MYT1: variants seen among roughly 807,000 people sequenced by gnomAD.
The protein encoded by MYT1 is myelin transcription factor 1, also known as myelin transcription factor I.
A neutral mutation model predicts 123.0 loss-of-function variants in MYT1; 23 were observed. That is an observed-to-expected ratio of 0.19 (90% CI 0.13 to 0.26). MYT1 has a LOEUF of 0.26. Ranked by LOEUF, MYT1 falls within the 10% of genes least tolerant of loss-of-function variation. The pLI, the probability that MYT1 is intolerant of heterozygous loss-of-function variation, is 1.00. For synonymous variants in MYT1, 518 were observed against 575.3 expected, an observed-to-expected ratio of 0.90 and a Z score of 1.43; for missense variants, 1,125 against 1,472.5, an observed-to-expected ratio of 0.76 and a Z score of 3.86.
At chr20:64,230,019 A>C (rs1055142477) in intron 18 of MYT1, among the ~76,000 whole-genome samples, 1 of 152,146 alleles carries the variant, frequency 6.6e-6, no homozygotes, top group Non-Finnish European at 1.5e-5. Context: ...CAGAGGCCTC[A>C]CCAGCTCAGT....
intron 14 of MYT1, among the ~76,000 whole-genome samples, chr20:64,222,251 A>G (rs1172132220): frequency 6.6e-6 from 1 of 152,206 alleles, no homozygotes; most frequent in Admixed American, 6.5e-5. Flanking sequence ...GCTTTACTGC[A>G]ATCTTCTAAA....
intron 1 of MYT1, among the ~76,000 whole-genome samples, chr20:64,172,532 AG>A: frequency 6.6e-6 from 1 of 152,218 alleles, no homozygotes; most frequent in East Asian, 1.9e-4. Context: ...GTTTTAAGGC[AG>A]AAGGAGATGG....
At chr20:64,176,713 G>A (rs933342289) in intron 1 of MYT1, among the ~76,000 whole-genome samples, 1 of 152,226 alleles carries the variant, frequency 6.6e-6, no homozygotes, top group Non-Finnish European at 1.5e-5. Flanking sequence ...TGGGTTCCGG[G>A]CACCCGGCCT....
At chr20:64,179,612 TGACCAGTGGAAGCCCA>T (rs1466521641) in intron 1 of MYT1, among the ~76,000 whole-genome samples, 2 of 152,164 alleles carry the variant, frequency 1.3e-5, no homozygotes, top group Non-Finnish European at 2.9e-5. Context: ...TGTCCCTGAT[TGACCAGTGGAAGCCCA>T]GTACAGAGGC....
intron 1 of MYT1, among the ~76,000 whole-genome samples, chr20:64,178,306 GCCGCTCTCCCA>G (rs547625739): frequency 1.6e-3 from 241 of 152,352 alleles, no homozygotes; most frequent in African/African-American, 5.7e-3. Context: ...CAGCAGAGAG[GCCGCTCTCCCA>G]CTGCTCCACC....
At chr20:64,170,761 C>T (rs911187200) in intron 1 of MYT1, among the ~76,000 whole-genome samples, 4 of 147,742 alleles carry the variant, frequency 2.7e-5, no homozygotes, top group Non-Finnish European at 3.0e-5. Context: ...CTCGGTGAGC[C>T]GTGACCCAGC....
At position 64,170,931 on chromosome 20, in the gene MYT1, A is replaced by AGT. The variant is rs1555952876; in HGVS notation, c.-99+6193_-99+6194insTG. Among the ~76,000 whole-genome samples the AGT allele has an allele frequency of 2.6e-3, 322 of 126,144 alleles. 4 individuals are homozygous for AGT. Among genetic ancestry groups the AGT allele is most frequent in the African/African-American group, 7.0e-3 (219 of 31,168 alleles). 82.8% of individuals were successfully genotyped at this position (126,144 alleles called of 152,430 possible). A position where few individuals can be genotyped will look rare whatever the true frequency, so the allele number is the denominator to read the frequency against. ...GAGAGAGAGAGAGAGAGAGAGAGAG[A>AGT]GAGACGGAGTCTTGCTCTGTTGGCC... On this transcript the variant is annotated intron_variant, in intron 1 of 22. Transcript: ENST00000328439.
intron 1 of MYT1, among the ~76,000 whole-genome samples, chr20:64,187,867 A>G (rs553714853): frequency 1.7e-4 from 26 of 152,318 alleles, no homozygotes; most frequent in Middle Eastern, 3.4e-3. Flanking sequence ...CTCTGTACCC[A>G]GGGGTATGGT....
intron 19 of MYT1, among the ~76,000 whole-genome samples, chr20:64,233,580 GGAGA>G (rs1276095590): frequency 1.4e-5 from 2 of 146,464 alleles, no homozygotes; most frequent in Non-Finnish European, 3.0e-5. Flanking sequence ...ACCAAGCCTT[GGAGA>G]GAGAGCAGAG....
At chr20:64,235,799 CTGGG>C (rs1984511734) in intron 19 of MYT1, among the ~76,000 whole-genome samples, 1 of 71,702 alleles carries the variant, frequency 1.4e-5, no homozygotes, top group South Asian at 4.4e-4. Flanking sequence ...GTGGGTGACA[CTGGG>C]CTGGCTGTGG....
intron 16 of MYT1, among the ~76,000 whole-genome samples, chr20:64,226,244 C>A (rs75692938): frequency 6.6e-6 from 1 of 152,198 alleles, no homozygotes; most frequent in South Asian, 2.1e-4. Flanking sequence ...CAGGAGGGCA[C>A]CCCAAAAAAA....
chr20:64,232,367 G>A lies in MYT1; in HGVS notation c.2879G>A (p.Ser960Asn). ...GACGGCTCTGGCCACGCCAATGGGA[G>A]TTTCCTCACCCACCGGAGGTAACTG... ...GCDGSGHANG[S>N]FLTHRSLSGC... is the part of the protein sequence containing the mutation. Residue 960 changes from serine to asparagine, a missense_variant, in exon 19 of 23, where the codon AGT becomes AAT. Physicochemically the swap from Ser to Asn is conservative, Grantham distance 46. Around this residue, in one of 4 missense-constraint regions of MYT1, gnomAD observed 243 missense variants for 323.1 expected, o/e 0.75. Transcript: ENST00000328439. The surrounding 1 kb of genome is among the most constrained non-coding windows in gnomAD (Gnocchi z 6.9). 1.2e-6 allele frequency: 2 copies of A among 1,613,020 alleles called. No homozygotes were observed. The highest frequency in any genetic ancestry group is 1.7e-4 in the Middle Eastern group (1 of 6,060).
chr20:64,207,842 A>T lies in MYT1; in HGVS notation c.646A>T (p.Ile216Phe). ...CGAGGAGGGTGAAAAGGGCCTCTTC[A>T]TCCAGCCAGAGGATGCCGAGGAGGT... ...ASEEGEKGLF[I>F]QPEDAEEVVE... is the part of the protein sequence containing the mutation. The change falls in exon 7 of 23, where the codon ATC (isoleucine) becomes TTC (phenylalanine). Residue 216 changes from isoleucine to phenylalanine, a missense_variant. Physicochemically the swap from Ile to Phe is conservative, Grantham distance 21 (BLOSUM62 0). This residue lies in a region of MYT1 where 406 missense variants were observed against 432.2 expected (regional missense o/e 0.94). Coordinates refer to ENST00000328439, the MANE Select transcript of MYT1 (RefSeq NM_004535.3). The T allele has an allele frequency of 6.2e-7, 1 of 1,613,704 alleles. No homozygotes were observed. Among genetic ancestry groups the T allele is most frequent in the East Asian group, 2.2e-5 (1 of 44,836 alleles).
intron 1 of MYT1, among the ~76,000 whole-genome samples, chr20:64,170,708 G>T (rs982246291): frequency 6.6e-6 from 1 of 150,404 alleles, no homozygotes; most frequent in African/African-American, 2.5e-5. Flanking sequence ...AGAGTTTTGT[G>T]CTTCCTCATT....
chr20:64,172,965 G>A (rs1433718232), intron 1 of MYT1, among the ~76,000 whole-genome samples: 1 of 152,000 alleles, frequency 6.6e-6, no homozygotes, highest in Non-Finnish European at 1.5e-5. Flanking sequence ...CTGCCCTCAA[G>A]TGATCCACCC....
chr20:64,169,221 G>A (rs193016766), intron 1 of MYT1, among the ~76,000 whole-genome samples: 2 of 152,168 alleles, frequency 1.3e-5, no homozygotes, highest in African/African-American at 2.4e-5. Context: ...GTGCACCAAG[G>A]CCTGCTTTAG....
chr20:64,212,708 G>C lies in MYT1; in HGVS notation c.1517+570G>C, dbSNP rs571069554. Among the ~76,000 whole-genome samples the C allele has an allele frequency of 6.6e-6, 1 of 152,168 alleles. No individual in the cohort carries two copies. Among genetic ancestry groups the C allele is most frequent in the Non-Finnish European group, 1.5e-5 (1 of 68,022 alleles). On this transcript the variant is annotated intron_variant, in intron 9 of 22. Coordinates refer to ENST00000328439, the MANE Select transcript of MYT1 (RefSeq NM_004535.3). The surrounding 1 kb of genome is among the most constrained non-coding windows in gnomAD (Gnocchi z 6.8). ...TCGGCAGGCCAGGACTGTGCTCTGG[G>C]CTGCTTTGTGGGAGTTCTGAGGCCC... is the stretch of plus-strand genomic sequence containing the variant.
Position 64,168,889 on chromosome 20 carries a change from C to G in MYT1, c.-99+4150C>G, listed in dbSNP as rs577536893. On this transcript the variant is annotated intron_variant, in intron 1 of 22. Transcript: ENST00000328439. The surrounding 1 kb of genome is among the most constrained non-coding windows in gnomAD (Gnocchi z 6.1). ...ATGCTCGGGAGGAAAGGTGGAGGCA[C>G]CATATGGCCTGAGCTGCTGACAGAT... 7.2e-5 allele frequency among the ~76,000 whole-genome samples: 11 copies of G among 152,168 alleles called. No individual in the cohort carries two copies. Among genetic ancestry groups the G allele is most frequent in the Non-Finnish European group, 1.5e-4 (10 of 68,024 alleles).
intron 1 of MYT1, among the ~76,000 whole-genome samples, chr20:64,169,933 T>C (rs959871508): frequency 4.6e-5 from 7 of 152,066 alleles, no homozygotes; most frequent in African/African-American, 1.7e-4. Context: ...CTAAGATCTT[T>C]CCAGCACAGC....
Sources: gnomAD v4.1 joint callset for allele counts (sites outside exome capture counted in the v4.1 genomes callset) on GRCh38, gnomAD v4.1.1 for gene constraint, gnomAD v4.1.1 regional missense constraint, Gnocchi (gnomAD v3.1) non-coding constraint, MANE v1.5 for transcripts, NCBI Gene and HGNC (gene_info 2026-07-23, HGNC 2026-07-21) for gene names.